Variants in PTPRT observed in about 807,000 individuals in gnomAD.
PTPRT encodes receptor-type tyrosine-protein phosphatase T.
In PTPRT, 56 loss-of-function variants were observed where a neutral mutation model predicts 176.8. That is an observed-to-expected ratio of 0.32 (90% CI 0.26 to 0.40). PTPRT has a LOEUF of 0.40. Ranked by LOEUF, PTPRT falls within the 10% of genes least tolerant of loss-of-function variation. The pLI, the probability that PTPRT is intolerant of heterozygous loss-of-function variation, is 1.00. For missense variants in PTPRT, 1,540 were observed against 1,908.2 expected (o/e 0.81, Z 3.60); for synonymous variants, 783 against 739.0 (o/e 1.06, Z -0.96).
At chr20:42,091,428 T>A (rs192296273) in intron 27 of PTPRT, among the ~76,000 whole-genome samples, 11 of 152,352 alleles carry the variant, frequency 7.2e-5, no homozygotes, top group Admixed American at 6.5e-4. Context: ...GGAATAAACA[T>A]TTTTAGAGCA....
intron 6 of PTPRT, among the ~76,000 whole-genome samples, chr20:42,735,397 C>T (rs1347808784): frequency 1.3e-5 from 2 of 149,174 alleles, no homozygotes; most frequent in Non-Finnish European, 3.0e-5. Context: ...ATGGCAGAAC[C>T]ATGACTTAAA....
chr20:42,388,054 G>T (rs553861274), intron 9 of PTPRT, among the ~76,000 whole-genome samples: 30 of 152,296 alleles, frequency 2.0e-4, no homozygotes, highest in African/African-American at 6.7e-4. Context: ...CTCCCAAAGT[G>T]CTGGGATTAC....
chr20:42,741,945 A>G (rs1205052388), intron 6 of PTPRT, among the ~76,000 whole-genome samples: 1 of 152,234 alleles, frequency 6.6e-6, no homozygotes, highest in African/African-American at 2.4e-5. Context: ...CAGCAGATGC[A>G]TGCAAATATA....
intron 7 of PTPRT, among the ~76,000 whole-genome samples, chr20:42,573,729 G>C (rs1052875380): frequency 3.4e-5 from 5 of 148,592 alleles, no homozygotes; most frequent in Non-Finnish European, 7.4e-5. Context: ...AAAATGGCAA[G>C]ACGGACCCTT....
intron 16 of PTPRT, among the ~76,000 whole-genome samples, chr20:42,193,042 C>A (rs1306700338): frequency 6.6e-6 from 1 of 152,190 alleles, no homozygotes; most frequent in Non-Finnish European, 1.5e-5. Context: ...GGTAGAGAGA[C>A]CGCTAAAGGT....
At position 42,549,107 on chromosome 20, in the gene PTPRT, G is replaced by T. The variant is rs369100637; in HGVS notation, c.1154-76545C>A. ...ACATTCAACTCCAATTTATAGTCCA[G>T]AGAACTTCTCACAGGGCCCTCTGGG... On this transcript the variant is annotated intron_variant, in intron 7 of 30. Coordinates refer to ENST00000373187, the MANE Select transcript of PTPRT (RefSeq NM_007050.6). 2.1e-4 allele frequency among the ~76,000 whole-genome samples: 32 copies of T among 152,244 alleles called. No homozygotes were observed. In the East Asian group the frequency reaches 5.2e-3, roughly 25 times the overall value.
At chr20:42,878,892 G>C (rs2078973112) in intron 2 of PTPRT, among the ~76,000 whole-genome samples, 1 of 152,144 alleles carries the variant, frequency 6.6e-6, no homozygotes, top group African/African-American at 2.4e-5. Context: ...AGCTGGGCCT[G>C]GTGGTGGATG....
chr20:42,316,068 G>A, intron 11 of PTPRT, 72 bp from the exon 12 acceptor site: 2 of 1,523,198 alleles, frequency 1.3e-6, no homozygotes, highest in Admixed American at 1.7e-5. Context: ...CTCTAATGGT[G>A]TCAACCCAAC....
intron 6 of PTPRT, among the ~76,000 whole-genome samples, chr20:42,702,085 C>T (rs183407619): frequency 2.0e-5 from 3 of 152,230 alleles, no homozygotes. Flanking sequence ...ACTTGCTTAA[C>T]CTCAAATTTC....
At chr20:43,138,168 G>A (rs2013893419) in intron 1 of PTPRT, among the ~76,000 whole-genome samples, 1 of 152,230 alleles carries the variant, frequency 6.6e-6, no homozygotes, top group South Asian at 2.1e-4. Context: ...TCTAGGGATT[G>A]CCCGGGCTCT....
chr20:43,031,167 G>A (rs1986123137), intron 1 of PTPRT, among the ~76,000 whole-genome samples: 1 of 152,162 alleles, frequency 6.6e-6, no homozygotes, highest in African/African-American at 2.4e-5. Context: ...GGAAAGAGGT[G>A]TAATCTTGGG....
At chr20:42,507,254 G>C (rs892330991) in intron 7 of PTPRT, among the ~76,000 whole-genome samples, 4 of 152,152 alleles carry the variant, frequency 2.6e-5, no homozygotes, top group African/African-American at 9.7e-5. Flanking sequence ...ACAAACCAGT[G>C]TACTCATTTT....
At chr20:43,090,270 ATT>A (rs747388327) in intron 1 of PTPRT, among the ~76,000 whole-genome samples, 9 of 142,718 alleles carry the variant, frequency 6.3e-5, no homozygotes, top group Admixed American at 7.0e-5. Flanking sequence ...ACAGGTGACT[ATT>A]TTTTTTTTTT....
the PTPRT span, among the ~76,000 whole-genome samples, chr20:42,059,508 T>A: frequency 1.1e-4 from 16 of 152,190 alleles, no homozygotes; most frequent in African/African-American, 3.6e-4. Context: ...TTATGTTGAA[T>A]CATATGAAAT....
At chr20:42,033,775 C>T in the PTPRT span, among the ~76,000 whole-genome samples, 1 of 152,242 alleles carries the variant, frequency 6.6e-6, no homozygotes, top group South Asian at 2.1e-4. Flanking sequence ...AGATGATTTG[C>T]ATGGGGGGAT....
In PTPRT at chr20:42,366,863, C is replaced by G. The variant is rs369792265; in HGVS notation, c.1561-14578G>C. 1.9e-4 allele frequency among the ~76,000 whole-genome samples: 29 copies of G among 152,340 alleles called. No homozygotes were observed. In the South Asian group the frequency reaches 5.8e-3, roughly 30 times the overall value. ...CGAAGTGAGCAGCCTGATTGCCCAG[C>G]CTTCTGCAGTCACGCCTCATTAGGC... On this transcript the variant is annotated intron_variant, in intron 9 of 30. Coordinates refer to ENST00000373187, the MANE Select transcript of PTPRT (RefSeq NM_007050.6).
chr20:42,894,993 T>G (rs1403978907), intron 1 of PTPRT, among the ~76,000 whole-genome samples: 1 of 152,146 alleles, frequency 6.6e-6, no homozygotes, highest in Non-Finnish European at 1.5e-5. Flanking sequence ...TCAGACAGAT[T>G]CAAGATGTAG....
chr20:42,126,117 C>T (rs1362171471), intron 19 of PTPRT, among the ~76,000 whole-genome samples: 20 of 152,060 alleles, frequency 1.3e-4, no homozygotes, highest in Admixed American at 1.3e-3. Context: ...AGCTGCATGG[C>T]CTGAGACGTA....
chr20:42,942,877 T>G (rs888356932), intron 1 of PTPRT, among the ~76,000 whole-genome samples: 4 of 152,224 alleles, frequency 2.6e-5, no homozygotes, highest in Non-Finnish European at 1.5e-5. Flanking sequence ...ATGTCTATTA[T>G]TATTAACTAC....
Sources: gnomAD v4.1 joint callset for allele counts (sites outside exome capture counted in the v4.1 genomes callset) on GRCh38, gnomAD v4.1.1 for gene constraint, MANE v1.5 for transcripts, NCBI Gene and HGNC (gene_info 2026-07-23, HGNC 2026-07-21) for gene names.